PCDH7: variants seen among roughly 807,000 people sequenced by gnomAD.
PCDH7 encodes the protein protocadherin-7.
In PCDH7, 17 loss-of-function variants were observed where a neutral mutation model predicts 58.9. That is an observed-to-expected ratio of 0.29 (90% CI 0.20 to 0.43). The LOEUF (loss-of-function observed/expected upper bound fraction) is 0.43. Among genes scored for constraint, PCDH7 ranks in the 20% least tolerant of loss-of-function variants. The pLI is 1.00. For synonymous variants in PCDH7, 664 were observed against 616.4 expected (o/e 1.08, Z -1.14); for missense variants, 1,274 against 1,441.0 (o/e 0.88, Z 1.88).
chr4:30,880,301 CT>C (rs1471012577), intron 1 of PCDH7, among the ~76,000 whole-genome samples: 3 of 151,234 alleles, frequency 2.0e-5, no homozygotes, highest in African/African-American at 7.3e-5. Flanking sequence ...AAAAAAAACC[CT>C]CCTCAGCTTT....
rs536602894 is a variant in PCDH7 at position 30,873,808 on chromosome 4, T to G, written c.71-46345T>G. On this transcript the variant is annotated intron_variant, in intron 1 of 3. Coordinates refer to the PCDH7 transcript ENST00000509759. ...TAGAAATACAGTTTTGTGGGTTTGTTGCTTAATTATATTTGGAGGCTTTTA... is the reference window on the plus strand; with the variant it reads ...TAGAAATACAGTTTTGTGGGTTTGTGGCTTAATTATATTTGGAGGCTTTTA... Among the ~76,000 whole-genome samples the G allele has an allele frequency of 3.9e-5, 6 of 152,198 alleles. No homozygotes were observed. In the South Asian group the frequency reaches 1.0e-3, roughly 26 times the overall value.
At chr4:31,055,613 G>A (rs1420377510) in intron 3 of PCDH7, among the ~76,000 whole-genome samples, 1 of 151,950 alleles carries the variant, frequency 6.6e-6, no homozygotes, top group East Asian at 1.9e-4. Flanking sequence ...ATCTCATTCT[G>A]TTGCCCAGGC....
chr4:30,775,767 C>T (rs758483492), intron 1 of PCDH7, among the ~76,000 whole-genome samples: 5 of 151,950 alleles, frequency 3.3e-5, no homozygotes, highest in African/African-American at 4.8e-5. Flanking sequence ...CATGGTGACG[C>T]GTATCTGTAA....
At position 30,828,499 on chromosome 4, in the gene PCDH7, G is replaced by A. The variant is rs185947202; in HGVS notation, c.71-91654G>A. Among the ~76,000 whole-genome samples, 294 of 151,836 alleles carry A rather than the reference G, an allele frequency of 1.9e-3. 2 individuals are homozygous for A. Among genetic ancestry groups the A allele is most frequent in the African/African-American group, 6.4e-3 (267 of 41,436 alleles). On this transcript the variant is annotated intron_variant, in intron 1 of 3. Coordinates refer to the PCDH7 transcript ENST00000509759. ...TACCTCATTAATAGTCTTCTCTTCA[G>A]TTAAGAGGCAGTTTCCCCCATGAGA...
In PCDH7 at chr4:30,977,115, G is replaced by A. The variant is rs564911271; in HGVS notation, c.*7+26900G>A. 2.6e-5 allele frequency among the ~76,000 whole-genome samples: 4 copies of A among 152,118 alleles called. No homozygotes were observed. In the South Asian group the frequency reaches 8.3e-4, roughly 32 times the overall value. On this transcript the variant is annotated intron_variant, in intron 3 of 3. Coordinates refer to the PCDH7 transcript ENST00000509759. Reference sequence around the variant, plus strand: ...TAAATAAGTAGGCATTTGTCATATCGTTCTTTAAAAGCCTTCTATATACAA... The same window carrying A: ...TAAATAAGTAGGCATTTGTCATATCATTCTTTAAAAGCCTTCTATATACAA...
At chr4:30,957,616 T>A (rs10939324) in intron 3 of PCDH7, among the ~76,000 whole-genome samples, 28,702 of 152,066 alleles carry the variant, frequency 0.19, 3,411 homozygotes, top group South Asian at 0.26. Flanking sequence ...TTTTGGATCA[T>A]TTATTTTAAA....
At chr4:30,900,037 C>T (rs1459669115) in intron 1 of PCDH7, among the ~76,000 whole-genome samples, 1 of 152,138 alleles carries the variant, frequency 6.6e-6, no homozygotes, top group Admixed American at 6.5e-5. Flanking sequence ...AAAACCATAT[C>T]GTCTGATGTT....
At chr4:31,069,365 C>A (rs915205020) in intron 3 of PCDH7, among the ~76,000 whole-genome samples, 1 of 150,412 alleles carries the variant, frequency 6.6e-6, no homozygotes, top group African/African-American at 2.4e-5. Context: ...CTCCCTGGTG[C>A]CTCATGCCTC....
intron 1 of PCDH7, among the ~76,000 whole-genome samples, chr4:30,810,266 G>C (rs1726800417): frequency 6.6e-6 from 1 of 152,022 alleles, no homozygotes; most frequent in Non-Finnish European, 1.5e-5. Context: ...CCTTATGTCT[G>C]CTACAATATC....
chr4:30,931,556 G>A (rs774038761), intron 2 of PCDH7, among the ~76,000 whole-genome samples: 4 of 151,854 alleles, frequency 2.6e-5, no homozygotes, highest in African/African-American at 4.8e-5. Flanking sequence ...CCTGGGCAAC[G>A]AGAGCGAAAC....
chr4:30,723,035 C>T lies in PCDH7; in HGVS notation c.1613C>T (p.Ser538Leu). 2 of 1,613,902 alleles carry T rather than the reference C, an allele frequency of 1.2e-6. No homozygotes were observed. Among genetic ancestry groups the T allele is most frequent in the Non-Finnish European group, 1.7e-6 (2 of 1,180,044 alleles). ...GACAACCCGCCCATGTTCGGCCAGT[C>T]GGTGGTGGAGGTTTACTTCCCTGAG... Residue 538 changes from serine to leucine, a missense_variant, in exon 1 of 2, where the codon TCG becomes TTG. Ser to Leu is a moderately radical substitution (Grantham distance 145, BLOSUM62 -2). This residue lies in a region of PCDH7 where 731 missense variants were observed against 881.9 expected (regional missense o/e 0.83). Transcript: ENST00000361762. This position sits in a 1 kb window ranked among gnomAD's most constrained non-coding sequence, Gnocchi z 4.6.
chr4:31,031,848 T>G (rs1308703946), intron 3 of PCDH7, among the ~76,000 whole-genome samples: 1 of 152,102 alleles, frequency 6.6e-6, no homozygotes, highest in Non-Finnish European at 1.5e-5. Flanking sequence ...CTTCCTTAGA[T>G]AAGTGCTGGG....
chr4:30,999,111 C>G (rs1345366562), intron 3 of PCDH7, among the ~76,000 whole-genome samples: 1 of 152,096 alleles, frequency 6.6e-6, no homozygotes, highest in Non-Finnish European at 1.5e-5. Context: ...TGAACTCTGG[C>G]TGTGACCTAT....
downstream of PCDH7, chr4:31,145,403 T>G: frequency 6.6e-6 from 1 of 152,102 alleles, no homozygotes; most frequent in Non-Finnish European, 1.5e-5. Context: ...TGTATGACTT[T>G]TATTTTAAAT....
Position 30,940,057 on chromosome 4 carries a change from T to C in PCDH7, c.288-10063T>C, listed in dbSNP as rs1273389267. ...GTGCCTGAAATCTAAGATCAATGAT[T>C]ACCCCAGATTGAAGAGTAATGATGT... On this transcript the variant is annotated intron_variant, in intron 2 of 3. Coordinates refer to the PCDH7 transcript ENST00000509759. Among the ~76,000 whole-genome samples, 3 of 151,698 alleles carry C rather than the reference T, an allele frequency of 2.0e-5. No individual in the cohort carries two copies. The South Asian group carries it at 6.2e-4, about 32-fold the overall frequency.
intron 1 of PCDH7, among the ~76,000 whole-genome samples, chr4:30,857,633 T>C (rs1373759588): frequency 6.6e-6 from 1 of 152,124 alleles, no homozygotes; most frequent in African/African-American, 2.4e-5. Flanking sequence ...AAACTCAGGT[T>C]GTCCTGCCAA....
At chr4:30,779,832 T>C (rs901391525) in intron 1 of PCDH7, among the ~76,000 whole-genome samples, 5 of 152,182 alleles carry the variant, frequency 3.3e-5, no homozygotes, top group Non-Finnish European at 7.4e-5. Flanking sequence ...TCTCAATTTT[T>C]TAGGCACATG....
At chr4:31,108,711 T>A (rs560347239) in intron 3 of PCDH7, among the ~76,000 whole-genome samples, 2 of 152,266 alleles carry the variant, frequency 1.3e-5, no homozygotes, top group South Asian at 4.1e-4. Flanking sequence ...TGTAGATACA[T>A]AACATATTAG....
chr4:30,786,216 A>G (rs1049132678), intron 1 of PCDH7, among the ~76,000 whole-genome samples: 4 of 152,076 alleles, frequency 2.6e-5, no homozygotes, highest in Admixed American at 2.0e-4. Flanking sequence ...CTATAGAGAA[A>G]GTGAGCTATC....
Sources: gnomAD v4.1 joint callset for allele counts (sites outside exome capture counted in the v4.1 genomes callset) on GRCh38, gnomAD v4.1.1 for gene constraint, gnomAD v4.1.1 regional missense constraint, Gnocchi (gnomAD v3.1) non-coding constraint, MANE v1.5 for transcripts, NCBI Gene and HGNC (gene_info 2026-07-23, HGNC 2026-07-21) for gene names.